Variants in CAMTA1 observed in about 807,000 individuals in gnomAD.
CAMTA1 encodes the protein calmodulin binding transcription activator 1, also known as calmodulin-binding transcription activator 1.
CAMTA1 carries 27 observed loss-of-function variants against 170.9 expected under a neutral mutation model. The ratio of observed to expected loss-of-function variants is 0.16; its 90% CI spans 0.12 to 0.22. The LOEUF (loss-of-function observed/expected upper bound fraction) is 0.22. CAMTA1 is among the 10% of genes least tolerant of loss of function. CAMTA1 has a pLI of 1.00. For synonymous variants in CAMTA1, 833 were observed against 891.5 expected (o/e 0.93, Z 1.17); for missense variants, 1,619 against 2,217.2 (o/e 0.73, Z 5.42).
intron 3 of CAMTA1, among the ~76,000 whole-genome samples, chr1:6,830,888 G>A (rs1004937859): frequency 1.3e-5 from 2 of 150,854 alleles, no homozygotes; most frequent in African/African-American, 4.9e-5. Context: ...GCGTGATCTC[G>A]GCTCACTGCA....
intron 6 of CAMTA1, among the ~76,000 whole-genome samples, chr1:7,630,026 G>A (rs1049280167): frequency 2.0e-5 from 3 of 152,194 alleles, no homozygotes; most frequent in African/African-American, 4.8e-5. Flanking sequence ...TTAAAATTTA[G>A]TGTCATCTGC....
At chr1:7,117,421 A>C (rs1292178801) in intron 4 of CAMTA1, among the ~76,000 whole-genome samples, 1 of 152,230 alleles carries the variant, frequency 6.6e-6, no homozygotes. Context: ...AGTGCATGGC[A>C]GCCTGGAGAG....
chr1:7,080,954 A>G (rs1370843438), intron 3 of CAMTA1, among the ~76,000 whole-genome samples: 1 of 152,258 alleles, frequency 6.6e-6, no homozygotes, highest in African/African-American at 2.4e-5. Context: ...AAAGCAGACA[A>G]CAAATCAAAT....
At chr1:6,826,145 C>T (rs780225487) in intron 3 of CAMTA1, among the ~76,000 whole-genome samples, 3 of 152,194 alleles carry the variant, frequency 2.0e-5, no homozygotes, top group African/African-American at 4.8e-5. Flanking sequence ...TTCTTTGGCG[C>T]TAACTACTTC....
intron 1 of CAMTA1, among the ~76,000 whole-genome samples, chr1:6,792,459 G>A (rs918101025): frequency 1.3e-5 from 2 of 151,626 alleles, no homozygotes; most frequent in Non-Finnish European, 2.9e-5. Flanking sequence ...GTAAAGATTG[G>A]TACTGTTTCC....
chr1:7,477,527 C>A (rs1186310267), intron 6 of CAMTA1, among the ~76,000 whole-genome samples: 1 of 152,222 alleles, frequency 6.6e-6, no homozygotes, highest in Non-Finnish European at 1.5e-5. Flanking sequence ...GCTCAGACAT[C>A]TTTGCCTGAT....
intron 3 of CAMTA1, among the ~76,000 whole-genome samples, chr1:7,030,788 A>T (rs529913105): frequency 6.6e-6 from 1 of 151,934 alleles, no homozygotes; most frequent in African/African-American, 2.4e-5. Context: ...TACAAATGTC[A>T]ACTAGGTCAA....
chr1:6,986,152 A>G (rs1056920269), intron 3 of CAMTA1, among the ~76,000 whole-genome samples: 4 of 152,100 alleles, frequency 2.6e-5, no homozygotes, highest in African/African-American at 9.7e-5. Context: ...GTCTGGGGGA[A>G]TGAGTCAGGC....
intron 4 of CAMTA1, among the ~76,000 whole-genome samples, chr1:7,210,924 C>T (rs946709563): frequency 2.0e-5 from 3 of 152,148 alleles, no homozygotes; most frequent in Non-Finnish European, 4.4e-5. Context: ...CCAATGGAAG[C>T]CCTTTCAATT....
At chr1:7,679,438 A>G (rs915323597) in intron 11 of CAMTA1, among the ~76,000 whole-genome samples, 2 of 152,186 alleles carry the variant, frequency 1.3e-5, no homozygotes, top group African/African-American at 4.8e-5. Flanking sequence ...AAGCTACGGC[A>G]CGGGAGGATG....
chr1:7,070,199 T>C (rs1325468860), intron 3 of CAMTA1, among the ~76,000 whole-genome samples: 2 of 152,058 alleles, frequency 1.3e-5, no homozygotes, highest in African/African-American at 4.8e-5. Flanking sequence ...CAGCATCAGA[T>C]GGGGGCGGGC....
intron 5 of CAMTA1, among the ~76,000 whole-genome samples, chr1:7,359,227 G>T (rs761143453): frequency 7.5e-6 from 1 of 132,752 alleles, no homozygotes; most frequent in Admixed American, 7.8e-5. Flanking sequence ...CCAGGGGTCA[G>T]TGGGGAGCCA....
At chr1:6,999,616 C>T (rs751348345) in intron 3 of CAMTA1, among the ~76,000 whole-genome samples, 20 of 152,114 alleles carry the variant, frequency 1.3e-4, no homozygotes, top group Admixed American at 2.0e-4. Context: ...CTACTGGGCT[C>T]GAGTGATCTG....
chr1:6,887,797 A>G lies in CAMTA1; in HGVS notation c.234+62587A>G. On this transcript the variant is annotated intron_variant, in intron 3 of 22. Coordinates refer to ENST00000303635, the MANE Select transcript of CAMTA1 (RefSeq NM_015215.4). The surrounding 1 kb of genome is among the most constrained non-coding windows in gnomAD (Gnocchi z 4.1). ...TCCTGCCAGCCCCATGTCTGGCTTTAAGACAGTTCTATTAGTGAATTAACT... is the reference window on the plus strand; with the variant it reads ...TCCTGCCAGCCCCATGTCTGGCTTTGAGACAGTTCTATTAGTGAATTAACT... 1.3e-6 allele frequency: 2 copies of G among 1,521,712 alleles called. No homozygotes were observed. The highest frequency in any genetic ancestry group is 1.7e-4 in the Middle Eastern group (1 of 5,878). 94.3% of individuals were successfully genotyped at this position (1,521,712 alleles called of 1,614,324 possible).
At chr1:7,230,143 C>T (rs549356831) in intron 4 of CAMTA1, among the ~76,000 whole-genome samples, 38 of 152,266 alleles carry the variant, frequency 2.5e-4, no homozygotes, top group African/African-American at 8.9e-4. Context: ...AAAGCCCAGC[C>T]TGGCCTGGCT....
At position 7,193,273 on chromosome 1, in the gene CAMTA1, A is replaced by C. The variant is rs192973549; in HGVS notation, c.303-56218A>C. The stretch of plus-strand genomic sequence containing the variant: ...AGCCTGAGGCAGGGAGAATTGCTTG[A>C]ACCAGGAGTTGGAGGCTGCAGTGAG... On this transcript the variant is annotated intron_variant, in intron 4 of 22. Coordinates refer to ENST00000303635, the MANE Select transcript of CAMTA1 (RefSeq NM_015215.4). Among the ~76,000 whole-genome samples, 13 of 151,864 alleles carry C rather than the reference A, an allele frequency of 8.6e-5. No individual in the cohort carries two copies. The East Asian group carries it at 2.5e-3, about 30-fold the overall frequency.
In CAMTA1 at chr1:7,561,638, A is replaced by G. The variant is rs2094958454; in HGVS notation, c.511-78762A>G. Reference sequence around the variant, plus strand: ...TCTGCAGGCAGAGCTGGTTACATGCAGCAGTGGCACAGGATCAGCAGGCAA... The same window carrying G: ...TCTGCAGGCAGAGCTGGTTACATGCGGCAGTGGCACAGGATCAGCAGGCAA... On this transcript the variant is annotated intron_variant, in intron 6 of 22. Coordinates refer to ENST00000303635, the MANE Select transcript of CAMTA1 (RefSeq NM_015215.4). This position sits in a 1 kb window ranked among gnomAD's most constrained non-coding sequence, Gnocchi z 5.3. 6.6e-6 allele frequency among the ~76,000 whole-genome samples: 1 copy of G among 152,130 alleles called. No individual in the cohort carries two copies. The highest frequency in any genetic ancestry group is 1.9e-4 in the East Asian group (1 of 5,140).
At chr1:7,413,601 G>C (rs1414640218) in intron 5 of CAMTA1, among the ~76,000 whole-genome samples, 1 of 152,152 alleles carries the variant, frequency 6.6e-6, no homozygotes, top group Non-Finnish European at 1.5e-5. Flanking sequence ...TTTGCACATT[G>C]ATTTTGTATC....
At chr1:6,961,409 C>T (rs770190376) in intron 3 of CAMTA1, among the ~76,000 whole-genome samples, 13 of 152,114 alleles carry the variant, frequency 8.5e-5, no homozygotes, top group East Asian at 1.9e-4. Flanking sequence ...CCATCGTGAC[C>T]GTGTAGGGAA....
Sources: gnomAD v4.1 joint callset for allele counts (sites outside exome capture counted in the v4.1 genomes callset) on GRCh38, gnomAD v4.1.1 for gene constraint, Gnocchi (gnomAD v3.1) non-coding constraint, MANE v1.5 for transcripts, NCBI Gene and HGNC (gene_info 2026-07-23, HGNC 2026-07-21) for gene names.